CADPS2: variants seen among roughly 807,000 people sequenced by gnomAD.
CADPS2 encodes the protein calcium-dependent secretion activator 2.
In CADPS2, 93 loss-of-function variants were observed where a neutral mutation model predicts 172.5. The observed-to-expected ratio is 0.54, with a 90% confidence interval of 0.46 to 0.64. The LOEUF is 0.64. Ranked by LOEUF, CADPS2 falls within the 30% of genes least tolerant of loss-of-function variation. The pLI is 0.00. For missense variants in CADPS2, 1,420 were observed against 1,565.9 expected (o/e 0.91, Z 1.57); for synonymous variants, 546 against 555.2 (o/e 0.98, Z 0.23).
At chr7:122,778,456 A>G (rs1246781603) in intron 1 of CADPS2, among the ~76,000 whole-genome samples, 1 of 152,254 alleles carries the variant, frequency 6.6e-6, no homozygotes, top group African/African-American at 2.4e-5. Flanking sequence ...CATGGAGCCC[A>G]ATGTTAATCA....
intron 20 of CADPS2, among the ~76,000 whole-genome samples, chr7:122,398,569 G>GCATATAC (rs1190101023): frequency 6.6e-6 from 1 of 152,098 alleles, no homozygotes; most frequent in Non-Finnish European, 1.5e-5. Flanking sequence ...TATCAACCCT[G>GCATATAC]AGCAATGCAA....
chr7:122,489,943 GACT>G (rs1438781048), intron 11 of CADPS2, 135 bp downstream of exon 11: 14 of 694,552 alleles, frequency 2.0e-5, no homozygotes, highest in Non-Finnish European at 3.3e-5. Flanking sequence ...GTGATTATGT[GACT>G]ACTAATATGA....
intron 1 of CADPS2, among the ~76,000 whole-genome samples, chr7:122,753,740 A>G (rs2093043647): frequency 6.6e-6 from 1 of 152,180 alleles, no homozygotes; most frequent in African/African-American, 2.4e-5. Flanking sequence ...TGACAAATCT[A>G]AAGCAAGCTC....
intron 3 of CADPS2, among the ~76,000 whole-genome samples, chr7:122,642,477 G>A (rs2134558238): frequency 6.6e-6 from 1 of 151,644 alleles, no homozygotes; most frequent in East Asian, 1.9e-4. Context: ...GCCTGTGCTG[G>A]CAGCCAACTA....
At chr7:122,527,451 A>T (rs2061330735) in intron 8 of CADPS2, among the ~76,000 whole-genome samples, 1 of 151,584 alleles carries the variant, frequency 6.6e-6, no homozygotes, top group African/African-American at 2.4e-5. Flanking sequence ...TCTGATATTG[A>T]CAGTTGGAAT....
At chr7:122,321,886 T>G (rs929218055) in intron 29 of CADPS2, among the ~76,000 whole-genome samples, 1 of 152,242 alleles carries the variant, frequency 6.6e-6, no homozygotes, top group Non-Finnish European at 1.5e-5. Context: ...AAAGTTCAGT[T>G]AGTTAAATGG....
chr7:122,688,573 G>A (rs1021438430), intron 2 of CADPS2, among the ~76,000 whole-genome samples: 3 of 152,322 alleles, frequency 2.0e-5, no homozygotes, highest in African/African-American at 7.2e-5. Context: ...TGTCTCAGCT[G>A]TTTGAGCTGG....
Position 122,366,610 on chromosome 7 carries a change from T to TACACACAC in CADPS2, c.3388-5605_3388-5598dup, listed in dbSNP as rs200926726. On this transcript the variant is annotated intron_variant, in intron 25 of 29. Transcript: ENST00000449022. ...ACAGTGCAAGACTCCATCTCAAAAA[T>TACACACAC]ACACACACACACACACACACACACA... is the stretch of plus-strand genomic sequence containing the variant. Among the ~76,000 whole-genome samples, 377 of 126,216 alleles carry TACACACAC rather than the reference T, an allele frequency of 3.0e-3. 6 individuals are homozygous for TACACACAC. Among genetic ancestry groups the TACACACAC allele is most frequent in the African/African-American group, 9.5e-3 (325 of 34,352 alleles). 82.8% of individuals were successfully genotyped at this position (126,216 alleles called of 152,430 possible). A position where few individuals can be genotyped will look rare whatever the true frequency, so the allele number is the denominator to read the frequency against.
chr7:122,477,387 G>T (rs2056817967), intron 12 of CADPS2, among the ~76,000 whole-genome samples: 2 of 151,480 alleles, frequency 1.3e-5, no homozygotes, highest in Non-Finnish European at 2.9e-5. Flanking sequence ...ATGGTGGCAG[G>T]CGCCTGTAAT....
chr7:122,375,612 T>C (rs1311094165), intron 25 of CADPS2, among the ~76,000 whole-genome samples: 1 of 151,962 alleles, frequency 6.6e-6, no homozygotes, highest in Non-Finnish European at 1.5e-5. Context: ...CTAAACACCA[T>C]CAAGTAAAAA....
chr7:122,591,729 A>T (rs2133213454), intron 6 of CADPS2, among the ~76,000 whole-genome samples: 1 of 152,292 alleles, frequency 6.6e-6, no homozygotes, highest in East Asian at 1.9e-4. Context: ...AAAAACAAGA[A>T]ATGGGGAAAG....
At position 122,702,086 on chromosome 7, in the gene CADPS2, G is replaced by A. The variant is rs1170875655; in HGVS notation, c.453+34869C>T. ...TGTCTTTATTTGACTTCGCCTCCTG[G>A]TGAAAGAATTGGGCACTCTAGGTGT... On this transcript the variant is annotated intron_variant, in intron 2 of 29. Coordinates refer to ENST00000449022, the MANE Select transcript of CADPS2 (RefSeq NM_017954.11). The A allele has an allele frequency of 7.4e-6, 12 of 1,613,434 alleles. No homozygotes were observed. In the Admixed American group the frequency reaches 2.0e-4, roughly 27 times the overall value.
intron 2 of CADPS2, among the ~76,000 whole-genome samples, chr7:122,706,376 A>G (rs2087492089): frequency 9.2e-6 from 1 of 109,114 alleles, no homozygotes; most frequent in Non-Finnish European, 1.8e-5. Flanking sequence ...CAAGGAATAT[A>G]TATATATGCT....
At chr7:122,728,010 T>C (rs916908565) in intron 2 of CADPS2, among the ~76,000 whole-genome samples, 3 of 151,916 alleles carry the variant, frequency 2.0e-5, no homozygotes, top group East Asian at 3.9e-4. Context: ...AGCCTGCCAA[T>C]CTTGGTTTAC....
At position 122,554,581 on chromosome 7, in the gene CADPS2, T is replaced by C. The variant is rs1335016590; in HGVS notation, c.1444A>G (p.Met482Val). 3.1e-6 allele frequency: 5 copies of C among 1,611,332 alleles called. No homozygotes were observed. The highest frequency in any genetic ancestry group is 1.7e-5 in the Admixed American group (1 of 59,664). The change falls in exon 8 of 30, where the codon ATG (methionine) becomes GTG (valine). Residue 482 changes from methionine (M) to valine (V), a missense_variant. Transcript: ENST00000449022. The stretch of plus-strand genomic sequence containing the variant: ...TGCTTCATATGTGCTGGTTTATCCA[T>C]TCGCACTGCCAGTTTGATTTTTAAG... ...SDLKIKLAVR[M>V]DKPAHMKHSG... is the part of the protein sequence containing the mutation.
At chr7:122,645,462 T>TAC (rs1399583522) in intron 3 of CADPS2, among the ~76,000 whole-genome samples, 4 of 94,472 alleles carry the variant, frequency 4.2e-5, no homozygotes, top group Non-Finnish European at 2.3e-5. Context: ...TATGTATATA[T>TAC]GTGTATATAT....
At chr7:122,397,771 C>A (rs1340389895) in intron 20 of CADPS2, among the ~76,000 whole-genome samples, 2 of 152,066 alleles carry the variant, frequency 1.3e-5, no homozygotes, top group Non-Finnish European at 2.9e-5. Context: ...CAAGCCTTTA[C>A]AAAGCACCCA....
At position 122,519,599 on chromosome 7, in the gene CADPS2, C is replaced by T. The variant is rs538811428; in HGVS notation, c.1476-6284G>A. 2.2e-4 allele frequency among the ~76,000 whole-genome samples: 33 copies of T among 151,764 alleles called. No individual in the cohort carries two copies. In the South Asian group the frequency reaches 5.2e-3, roughly 24 times the overall value. Reference sequence around the variant, plus strand: ...TTCAAACGGAGAGCACTATTTGCTCCAAAGAAACACACAACTGATTGCTAG... The same window carrying T: ...TTCAAACGGAGAGCACTATTTGCTCTAAAGAAACACACAACTGATTGCTAG... On this transcript the variant is annotated intron_variant, in intron 8 of 29. Transcript: ENST00000449022.
At chr7:122,730,222 A>AT (rs748130774) in intron 2 of CADPS2, among the ~76,000 whole-genome samples, 5 of 151,796 alleles carry the variant, frequency 3.3e-5, no homozygotes, top group Non-Finnish European at 7.4e-5. Flanking sequence ...TGAATGACCA[A>AT]TATAGAAATG....
Sources: allele counts gnomAD v4.1 joint callset (sites outside exome capture counted in the v4.1 genomes callset), GRCh38; gene constraint gnomAD v4.1.1; transcripts MANE v1.5; gene names NCBI Gene and HGNC (gene_info 2026-07-23, HGNC 2026-07-21).